Variants in ZNF345 observed in about 807,000 individuals in gnomAD.
The protein encoded by ZNF345 is zinc finger protein 345.
For missense variants in ZNF345, 527 were observed against 589.9 expected (o/e 0.89, Z 1.10); for synonymous variants, 166 against 187.9 (o/e 0.88, Z 0.95).
At chr19:36,852,369 T>C (rs898335311) in intron 2 of ZNF345, among the ~76,000 whole-genome samples, 15 of 152,192 alleles carry the variant, frequency 9.9e-5, no homozygotes, top group Admixed American at 2.0e-4. Flanking sequence ...TCCCAGCACT[T>C]TGGGGGGCCA....
chr19:36,878,340 A>T lies in ZNF345; in HGVS notation c.*43A>T. On this transcript the variant is annotated 3_prime_UTR_variant, in exon 3 of 3. Transcript: ENST00000420450. ...AGGACTCTAAACATATGACTTAAGA[A>T]AATTCATAGTGGTGAAAATCTCTAC... 6.6e-7 allele frequency: 1 copy of T among 1,506,760 alleles called. No homozygotes were observed. Among genetic ancestry groups the T allele is most frequent in the Non-Finnish European group, 8.9e-7 (1 of 1,127,536 alleles). The allele number at this position is 1,506,760 out of a possible 1,614,324, so 93.3% of individuals were successfully genotyped here.
At chr19:36,885,887 G>T in intron 3 of ZNF345, among the ~76,000 whole-genome samples, 1 of 151,992 alleles carries the variant, frequency 6.6e-6, no homozygotes. Flanking sequence ...TTTCCCCCCA[G>T]TTATATTCCA....
chr19:36,884,687 T>G (rs544007237), intron 3 of ZNF345, among the ~76,000 whole-genome samples: 1 of 152,260 alleles, frequency 6.6e-6, no homozygotes, highest in East Asian at 1.9e-4. Context: ...AAAACTGAGA[T>G]AGCATGCCTC....
intron 2 of ZNF345, chr19:36,854,498 C>T (rs2072361375): frequency 6.6e-6 from 1 of 152,078 alleles, no homozygotes; most frequent in African/African-American, 2.4e-5. Flanking sequence ...TTGCCTTTTC[C>T]CTCAGATCAG....
chr19:36,877,100 TGAATGCAAA>T lies in ZNF345; in HGVS notation c.276_284del (p.Lys93_Cys95del), dbSNP rs778387151. Reference sequence around the variant, plus strand: ...GAATTCATACTGGTGAGAAACCTTATGAATGCAAAGAATGTGGCAAGGCCTTTGGTAGTG... The same window carrying T: ...GAATTCATACTGGTGAGAAACCTTATGAATGTGGCAAGGCCTTTGGTAGTG... On this transcript the variant is annotated inframe_deletion, in exon 3 of 3. Transcript: ENST00000420450. The T allele has an allele frequency of 7.4e-6, 12 of 1,614,058 alleles. No homozygotes were observed. Among genetic ancestry groups the T allele is most frequent in the Admixed American group, 1.7e-5 (1 of 60,010 alleles).
chr19:36,877,465 G>A lies in ZNF345; in HGVS notation c.635G>A (p.Gly212Asp). Residue 212 changes from glycine to aspartate, a missense_variant, in exon 3 of 3, where the codon GGC (glycine) becomes GAC (aspartate). Gly to Asp is a moderately conservative substitution (Grantham distance 94, BLOSUM62 -1). Coordinates refer to ENST00000420450, the MANE Select transcript of ZNF345 (RefSeq NM_001242472.2). ...YECIDCGKAFGSGSNLTQHRR... is the reference protein window; with the variant it reads ...YECIDCGKAFDSGSNLTQHRR... ...TGTATAGATTGTGGTAAAGCCTTTG[G>A]CAGTGGTTCAAACCTTACTCAACAT... The A allele has an allele frequency of 6.2e-7, 1 of 1,614,116 alleles. No individual in the cohort carries two copies. The highest frequency in any genetic ancestry group is 8.5e-7 in the Non-Finnish European group (1 of 1,180,032).
At chr19:36,870,125 C>T (rs1029939830) in intron 2 of ZNF345, among the ~76,000 whole-genome samples, 6 of 152,154 alleles carry the variant, frequency 3.9e-5, no homozygotes, top group Non-Finnish European at 8.8e-5. Flanking sequence ...TTATATTTTA[C>T]CTGCTAGTTC....
At chr19:36,875,072 A>G (rs1027594301) in intron 2 of ZNF345, among the ~76,000 whole-genome samples, 1 of 152,188 alleles carries the variant, frequency 6.6e-6, no homozygotes, top group Non-Finnish European at 1.5e-5. Flanking sequence ...TGCATGTACC[A>G]GAGTTCAAGT....
chr19:36,857,439 T>C (rs1279762459), intron 2 of ZNF345, among the ~76,000 whole-genome samples: 2 of 152,170 alleles, frequency 1.3e-5, no homozygotes, highest in African/African-American at 4.8e-5. Flanking sequence ...CCCGAGTAGC[T>C]GGGACTACAG....
At chr19:36,872,593 A>G (rs1282396303) in intron 2 of ZNF345, 1 of 152,678 alleles carries the variant, frequency 6.5e-6, no homozygotes, top group Non-Finnish European at 1.5e-5. Flanking sequence ...TGAAACCTTC[A>G]TCAGAAGAAG....
intron 2 of ZNF345, among the ~76,000 whole-genome samples, chr19:36,861,028 C>T (rs1453738896): frequency 3.9e-5 from 6 of 152,086 alleles, no homozygotes; most frequent in Non-Finnish European, 4.4e-5. Context: ...TCCCTTCTCT[C>T]CCACTTATTC....
chr19:36,892,567 G>A, intron 3 of ZNF345: 1 of 1,295,620 alleles, frequency 7.7e-7, no homozygotes, highest in Non-Finnish European at 1.0e-6. Flanking sequence ...AAGAATATCT[G>A]AGAAATTACA....
chr19:36,864,697 A>C (rs1483118720), intron 2 of ZNF345, among the ~76,000 whole-genome samples: 2 of 152,052 alleles, frequency 1.3e-5, no homozygotes, highest in African/African-American at 4.8e-5. Flanking sequence ...GGCAAGTGAG[A>C]CGGTGAGAAG....
intron 2 of ZNF345, among the ~76,000 whole-genome samples, chr19:36,859,086 T>G (rs1452818430): frequency 6.9e-6 from 1 of 144,650 alleles, no homozygotes; most frequent in Non-Finnish European, 1.5e-5. Context: ...TCAGCAGTCT[T>G]CTTTTTAAAA....
chr19:36,893,136 G>C (rs1483318990), downstream of ZNF345: 4 of 396,088 alleles, frequency 1.0e-5, no homozygotes, highest in Admixed American at 1.8e-4. Context: ...TAAATGTCGG[G>C]GGCGGGTGGA....
At chr19:36,871,616 G>A (rs1476613811) in intron 2 of ZNF345, among the ~76,000 whole-genome samples, 1 of 151,712 alleles carries the variant, frequency 6.6e-6, no homozygotes, top group Non-Finnish European at 1.5e-5. Context: ...TCTTTATTTA[G>A]CTGCTATTGT....
At chr19:36,854,530 T>C (rs1257611924) in intron 2 of ZNF345, 1 of 152,160 alleles carries the variant, frequency 6.6e-6, no homozygotes, top group South Asian at 2.1e-4. Flanking sequence ...AGACAAAGGG[T>C]TGGAACTTTG....
intron 2 of ZNF345, among the ~76,000 whole-genome samples, chr19:36,854,208 C>A (rs2072351677): frequency 6.7e-6 from 1 of 150,364 alleles, no homozygotes; most frequent in South Asian, 2.1e-4. Context: ...AATGATCAAT[C>A]ATAGTGATAA....
At chr19:36,856,334 A>AT (rs1245717806) in intron 2 of ZNF345, among the ~76,000 whole-genome samples, 1 of 151,904 alleles carries the variant, frequency 6.6e-6, no homozygotes, top group Non-Finnish European at 1.5e-5. Flanking sequence ...TCTAAATTCA[A>AT]TTTTTTCTCA....
Sources: allele counts gnomAD v4.1 joint callset (sites outside exome capture counted in the v4.1 genomes callset), GRCh38; gene constraint gnomAD v4.1.1; transcripts MANE v1.5; gene names NCBI Gene and HGNC (gene_info 2026-07-23, HGNC 2026-07-21).